The following PRELID2 variants were observed in gnomAD, a reference collection of about 807,000 sequenced individuals.
The protein encoded by PRELID2 is PRELI domain containing 2.
PRELID2 carries 25 observed loss-of-function variants against 28.4 expected under a neutral mutation model. The ratio of observed to expected loss-of-function variants is 0.88; its 90% CI spans 0.64 to 1.23. The LOEUF is 1.23. Ranked by LOEUF, PRELID2 falls within the 50% of genes most tolerant of loss-of-function variation. The pLI is 0.00. For synonymous variants in PRELID2, 76 were observed against 71.6 expected, an observed-to-expected ratio of 1.06 and a Z score of -0.31; for missense variants, 201 against 214.4, an observed-to-expected ratio of 0.94 and a Z score of 0.39.
intron 5 of PRELID2, among the ~76,000 whole-genome samples, chr5:145,786,402 G>A (rs551312566): frequency 1.2e-4 from 19 of 152,288 alleles, no homozygotes; most frequent in African/African-American, 3.8e-4. Flanking sequence ...CACCTTGGTA[G>A]CACTCTCTTG....
At chr5:145,342,812 T>G in the PRELID2 span, among the ~76,000 whole-genome samples, 1 of 140,644 alleles carries the variant, frequency 7.1e-6, no homozygotes, top group African/African-American at 2.6e-5. Flanking sequence ...AGTAAAGAAA[T>G]AGAAAAAGAT....
the PRELID2 span, among the ~76,000 whole-genome samples, chr5:145,340,107 G>A: frequency 7.9e-5 from 12 of 151,994 alleles, no homozygotes; most frequent in African/African-American, 2.7e-4. Flanking sequence ...ACTACTAAGG[G>A]GCCTGAGGAC....
the PRELID2 span, chr5:145,229,307 G>A: frequency 2.7e-6 from 2 of 747,288 alleles, no homozygotes; most frequent in East Asian, 2.6e-5. Flanking sequence ...GATGGAATAT[G>A]CAAAGCAACA....
chr5:145,591,195 C>G (rs1753221745), intron 1 of PRELID2, among the ~76,000 whole-genome samples: 1 of 151,556 alleles, frequency 6.6e-6, no homozygotes, highest in Admixed American at 6.6e-5. Context: ...ACTCAAGAGA[C>G]TGAGGTAGGA....
At chr5:145,472,859 G>C (rs1752066492) in intron 2 of PRELID2, among the ~76,000 whole-genome samples, 1 of 152,140 alleles carries the variant, frequency 6.6e-6, no homozygotes, top group South Asian at 2.1e-4. Flanking sequence ...GATAAGTATA[G>C]AGTCACAATT....
the PRELID2 span, among the ~76,000 whole-genome samples, chr5:145,398,610 A>C: frequency 6.6e-6 from 1 of 152,054 alleles, no homozygotes; most frequent in Non-Finnish European, 1.5e-5. Flanking sequence ...TTAATTCAAC[A>C]TATACTTACT....
At chr5:145,537,394 T>C (rs1000493170) in intron 1 of PRELID2, among the ~76,000 whole-genome samples, 3 of 151,896 alleles carry the variant, frequency 2.0e-5, no homozygotes, top group Non-Finnish European at 2.9e-5. Context: ...TTCGGGAACC[T>C]CCACGATGTC....
chr5:145,522,890 AGAAG>A lies in PRELID2; in HGVS notation n.71-49579_71-49576del, dbSNP rs903258012. ...AGAAAAACAAGAGGAGAGAAAAGAA[AGAAG>A]GAAGGAAGGAAATTAATATAGACTA... is the stretch of plus-strand genomic sequence containing the variant. On this transcript the variant is annotated intron_variant and non_coding_transcript_variant, in intron 1 of 2. Coordinates refer to the PRELID2 transcript ENST00000510259. Among the ~76,000 whole-genome samples the A allele has an allele frequency of 5.3e-5, 8 of 152,194 alleles. No individual in the cohort carries two copies. The East Asian group carries it at 9.7e-4, about 18-fold the overall frequency.
chr5:145,724,922 T>C (rs1756100581), intron 1 of PRELID2, among the ~76,000 whole-genome samples: 1 of 151,224 alleles, frequency 6.6e-6, no homozygotes, highest in South Asian at 2.1e-4. Context: ...TTTTAAATTT[T>C]TGTAGAAATG....
chr5:145,389,928 G>C, the PRELID2 span, among the ~76,000 whole-genome samples: 3 of 152,212 alleles, frequency 2.0e-5, no homozygotes, highest in African/African-American at 7.2e-5. Context: ...GCTAGTAATT[G>C]TGTGGGAAGA....
At chr5:145,748,135 A>G (rs1177834509) in intron 1 of PRELID2, among the ~76,000 whole-genome samples, 2 of 152,202 alleles carry the variant, frequency 1.3e-5, no homozygotes, top group East Asian at 1.9e-4. Flanking sequence ...CCTATTCAAC[A>G]TAGTATTGGA....
intron 5 of PRELID2, among the ~76,000 whole-genome samples, chr5:145,790,721 G>GTGTGTGTGTATATATATATA (rs772901344): frequency 1.8e-5 from 2 of 110,910 alleles, no homozygotes; most frequent in Non-Finnish European, 3.8e-5. Flanking sequence ...GTGTGTGTGT[G>GTGTGTGTGTATATATATATA]TATATATATA....
the PRELID2 span, among the ~76,000 whole-genome samples, chr5:145,340,770 CATATAT>C: frequency 0.21 from 24,631 of 116,522 alleles, 2,525 homozygotes; most frequent in South Asian, 0.3. Flanking sequence ...TAAAAATATA[CATATAT>C]ATATATATAT....
At chr5:145,764,887 A>C in intron 6 of PRELID2, 44 bp downstream of exon 6, 1 of 1,420,766 alleles carries the variant, frequency 7.0e-7, no homozygotes, top group Non-Finnish European at 9.9e-7. Context: ...AAGCATGAAA[A>C]TATGGCTTGT....
intron 5 of PRELID2, among the ~76,000 whole-genome samples, chr5:145,786,434 T>A (rs566579197): frequency 2.0e-5 from 3 of 152,164 alleles, no homozygotes; most frequent in Non-Finnish European, 2.9e-5. Context: ...ACTGCCACAT[T>A]CTGAGATCAT....
chr5:145,823,383 G>A (rs189294), intron 1 of PRELID2, among the ~76,000 whole-genome samples: 104,231 of 152,094 alleles, frequency 0.69, 37,644 homozygotes, highest in Non-Finnish European at 0.82. Flanking sequence ...GGGGGATGAG[G>A]TTAAGCTAAT....
intron 4 of PRELID2, among the ~76,000 whole-genome samples, chr5:145,817,546 T>C (rs1447407920): frequency 1.3e-5 from 2 of 150,132 alleles, no homozygotes; most frequent in Non-Finnish European, 3.0e-5. Context: ...TTTTAAAATA[T>C]ATACAAAACC....
chr5:145,824,345 T>C (rs1481607969), intron 1 of PRELID2, among the ~76,000 whole-genome samples: 8 of 152,060 alleles, frequency 5.3e-5, no homozygotes, highest in Non-Finnish European at 2.9e-5. Context: ...CCCCTCACTT[T>C]GCAAACTTGA....
intron 1 of PRELID2, among the ~76,000 whole-genome samples, chr5:145,508,358 TAAAC>T (rs1477424245): frequency 2.0e-5 from 3 of 152,048 alleles, no homozygotes; most frequent in African/African-American, 7.2e-5. Flanking sequence ...GAAGTTGAAA[TAAAC>T]AGACATATAG....
Sources: allele counts gnomAD v4.1 joint callset (sites outside exome capture counted in the v4.1 genomes callset), GRCh38; gene constraint gnomAD v4.1.1; transcripts MANE v1.5; gene names NCBI Gene and HGNC (gene_info 2026-07-23, HGNC 2026-07-21).